The following GNAI1 variants were observed in gnomAD, a reference collection of about 807,000 sequenced individuals.
GNAI1 encodes guanine nucleotide-binding protein G(i) subunit alpha-1.
GNAI1 carries 11 observed loss-of-function variants against 38.9 expected under a neutral mutation model. That is an observed-to-expected ratio of 0.28 (90% CI 0.18 to 0.47). The LOEUF is 0.47. Among genes scored for constraint, GNAI1 ranks in the 20% least tolerant of loss-of-function variants. The pLI is 0.99. For missense variants in GNAI1, 317 were observed against 436.9 expected (o/e 0.73, Z 2.45); for synonymous variants, 166 against 145.1 (o/e 1.14, Z -1.04).
At position 80,134,885 on chromosome 7, in the gene GNAI1, G is replaced by A; in HGVS notation, c.-276G>A. 7.0e-6 allele frequency: 2 copies of A among 286,120 alleles called. No homozygotes were observed. The highest frequency in any genetic ancestry group is 5.8e-5 in the East Asian group (1 of 17,252). The allele number at this position is 286,120 out of a possible 1,614,324, so 17.7% of individuals were successfully genotyped here. A position where few individuals can be genotyped will look rare whatever the true frequency, so the allele number is the denominator to read the frequency against. The stretch of plus-strand genomic sequence containing the variant: ...CGCGGCCACCGGCGGGAGTGCAGCG[G>A]CCACTGTACCCAGAGATTCAAAACC... On this transcript the variant is annotated 5_prime_UTR_variant, in exon 1 of 8. Transcript: ENST00000649796.
intron 1 of GNAI1, among the ~76,000 whole-genome samples, chr7:80,180,711 G>C (rs1206685173): frequency 2.6e-5 from 4 of 152,108 alleles, no homozygotes; most frequent in African/African-American, 7.2e-5. Context: ...AGGTGGATTT[G>C]TCTGCAGTTA....
At chr7:80,152,813 T>G (rs573809994) in intron 1 of GNAI1, among the ~76,000 whole-genome samples, 2 of 152,134 alleles carry the variant, frequency 1.3e-5, no homozygotes, top group East Asian at 3.9e-4. Flanking sequence ...CCTCCTGATA[T>G]GCCCGCCTCG....
chr7:80,217,491 T>C lies in GNAI1; in HGVS notation c.1063T>C (p.Ter355GlnextTer50), dbSNP rs1451026867. The change falls in exon 8 of 8, where the codon TAA becomes CAA. Residue 355 changes from the stop codon to glutamine, a stop_lost. Coordinates refer to ENST00000649796, the MANE Select transcript of GNAI1 (RefSeq NM_002069.6). Reference protein sequence around the residue: ...KNNLKDCGLF* With the variant: ...KNNLKDCGLFQ Reference sequence around the variant, plus strand: ...TAATCTAAAAGATTGTGGTCTCTTTTAAGTTTTGCAGTTCATGGTAAAATG... The same window carrying C: ...TAATCTAAAAGATTGTGGTCTCTTTCAAGTTTTGCAGTTCATGGTAAAATG... 1 of 1,587,192 alleles carries C rather than the reference T, an allele frequency of 6.3e-7. No individual in the cohort carries two copies.
intron 3 of GNAI1, among the ~76,000 whole-genome samples, chr7:80,198,099 T>C (rs1422282235): frequency 6.6e-6 from 1 of 151,918 alleles, no homozygotes; most frequent in Non-Finnish European, 1.5e-5. Context: ...TTTTTAATTG[T>C]GTTATTACTT....
chr7:80,204,616 C>T (rs1026297281), intron 5 of GNAI1, among the ~76,000 whole-genome samples: 8 of 152,102 alleles, frequency 5.3e-5, no homozygotes, highest in Non-Finnish European at 7.4e-5. Flanking sequence ...ATCTATACAG[C>T]CTTCCTGGTC....
chr7:80,194,178 C>G (rs926853685), intron 3 of GNAI1, among the ~76,000 whole-genome samples: 1 of 152,102 alleles, frequency 6.6e-6, no homozygotes, highest in Non-Finnish European at 1.5e-5. Flanking sequence ...TTTAAAAAAT[C>G]TTTGCTAATT....
intron 1 of GNAI1, among the ~76,000 whole-genome samples, chr7:80,180,519 G>A (rs1788274906): frequency 6.6e-6 from 1 of 152,082 alleles, no homozygotes; most frequent in Non-Finnish European, 1.5e-5. Context: ...GCTTTCTTTT[G>A]TGCAGCATGC....
At chr7:80,191,292 G>A (rs1229611617) in intron 3 of GNAI1, among the ~76,000 whole-genome samples, 1 of 152,024 alleles carries the variant, frequency 6.6e-6, no homozygotes, top group Admixed American at 6.6e-5. Flanking sequence ...ACACGAGGAA[G>A]GGGCATTGAA....
At chr7:80,206,835 G>A (rs1001087669) in intron 5 of GNAI1, among the ~76,000 whole-genome samples, 1 of 151,964 alleles carries the variant, frequency 6.6e-6, no homozygotes, top group Non-Finnish European at 1.5e-5. Flanking sequence ...CACAGTAAGA[G>A]ACTAACAAGT....
chr7:80,176,619 A>G (rs1053513646), intron 1 of GNAI1, among the ~76,000 whole-genome samples: 3 of 152,110 alleles, frequency 2.0e-5, no homozygotes, highest in Non-Finnish European at 4.4e-5. Context: ...AGCATTCTGT[A>G]TATCCTAGAG....
At chr7:80,154,066 G>A (rs1418685148) in intron 1 of GNAI1, among the ~76,000 whole-genome samples, 8 of 152,030 alleles carry the variant, frequency 5.3e-5, no homozygotes, top group Non-Finnish European at 1.0e-4. Context: ...GGGACTACAG[G>A]CACTCACCAC....
At position 80,224,970 on chromosome 7, in the gene GNAI1, T is replaced by G. The variant is rs187784994; in HGVS notation, c.*7477T>G. Among the ~76,000 whole-genome samples the G allele has an allele frequency of 2.0e-5, 3 of 152,346 alleles. No individual in the cohort carries two copies. Among genetic ancestry groups the G allele is most frequent in the Non-Finnish European group, 1.5e-5 (1 of 68,034 alleles). Reference sequence around the variant, plus strand: ...GGGAAATGAAATGCTTTATTTTTCTTCCACAACAACTCTATTTGCATTGCA... The same window carrying G: ...GGGAAATGAAATGCTTTATTTTTCTGCCACAACAACTCTATTTGCATTGCA... On this transcript the variant is annotated 3_prime_UTR_variant, in exon 8 of 8. Transcript: ENST00000649796.
chr7:80,171,809 A>G (rs1788103105), intron 1 of GNAI1, among the ~76,000 whole-genome samples: 1 of 152,110 alleles, frequency 6.6e-6, no homozygotes, highest in African/African-American at 2.4e-5. Flanking sequence ...CAGACATCTT[A>G]TTTACACTAG....
chr7:80,177,024 C>CTTTT (rs569135086), intron 1 of GNAI1, among the ~76,000 whole-genome samples: 17 of 61,210 alleles, frequency 2.8e-4, no homozygotes, highest in East Asian at 5.1e-4. Flanking sequence ...GACAGCATAT[C>CTTTT]TTTTTTTTTT....
intron 1 of GNAI1, among the ~76,000 whole-genome samples, chr7:80,166,084 A>G (rs976638903): frequency 2.0e-5 from 3 of 152,188 alleles, no homozygotes; most frequent in Non-Finnish European, 4.4e-5. Flanking sequence ...TTGCTGGAAA[A>G]ATAAATACAG....
chr7:80,139,334 G>A lies in GNAI1; in HGVS notation c.118+4056G>A, dbSNP rs551362591. ...ACTGCAGATATCATGCTGCTTCCTT[G>A]CTCAGAAACCTTTGTTGACTTTTCC... On this transcript the variant is annotated intron_variant, in intron 1 of 7. Transcript: ENST00000649796. Among the ~76,000 whole-genome samples, 20 of 152,098 alleles carry A rather than the reference G, an allele frequency of 1.3e-4. No homozygotes were observed. The East Asian group carries it at 3.5e-3, about 26-fold the overall frequency.
At chr7:80,179,829 T>C (rs138039515) in intron 1 of GNAI1, among the ~76,000 whole-genome samples, 2 of 152,288 alleles carry the variant, frequency 1.3e-5, no homozygotes, top group Non-Finnish European at 1.5e-5. Flanking sequence ...GGTTATGTTA[T>C]AGTAGAGGAA....
chr7:80,208,989 A>G (rs1355500110), intron 5 of GNAI1, among the ~76,000 whole-genome samples: 2 of 152,166 alleles, frequency 1.3e-5, no homozygotes, highest in East Asian at 1.9e-4. Flanking sequence ...TCTGTCCACA[A>G]TGATACATGT....
chr7:80,205,754 A>G (rs973898973), intron 5 of GNAI1, among the ~76,000 whole-genome samples: 1 of 152,154 alleles, frequency 6.6e-6, no homozygotes, highest in Non-Finnish European at 1.5e-5. Context: ...TTACTGTTAT[A>G]TTATTCTGTT....
Sources: allele counts gnomAD v4.1 joint callset (sites outside exome capture counted in the v4.1 genomes callset), GRCh38; gene constraint gnomAD v4.1.1; transcripts MANE v1.5; gene names NCBI Gene and HGNC (gene_info 2026-07-23, HGNC 2026-07-21).